Variants in CCDC33 observed in about 807,000 individuals in gnomAD.
The protein encoded by CCDC33 is coiled-coil domain containing 33, also known as coiled-coil domain-containing protein 33.
A neutral mutation model predicts 91.9 loss-of-function variants in CCDC33; 94 were observed. That is an observed-to-expected ratio of 1.02 (90% CI 0.87 to 1.21). The LOEUF (loss-of-function observed/expected upper bound fraction) is 1.21. Among genes scored for constraint, CCDC33 ranks in the 50% most tolerant of loss-of-function variants. The probability of loss-of-function intolerance (pLI) is 0.00; values close to 1 mark genes in which losing one functional copy is unlikely to be tolerated. For missense variants in CCDC33, 940 were observed against 935.5 expected (o/e 1.00, Z -0.06); for synonymous variants, 396 against 374.5 (o/e 1.06, Z -0.66).
intron 11 of CCDC33, among the ~76,000 whole-genome samples, chr15:74,328,919 G>A (rs1174076197): frequency 6.6e-6 from 1 of 152,188 alleles, no homozygotes; most frequent in African/African-American, 2.4e-5. Flanking sequence ...AGCAAACGCA[G>A]GAGCAAACTC....
At chr15:74,234,789 A>C (rs886703722), upstream of CCDC33, among the ~76,000 whole-genome samples, 22 of 152,246 alleles carry the variant, frequency 1.4e-4, no homozygotes, top group Admixed American at 1.4e-3. Context: ...GGGCAGGGCA[A>C]GGACCACAGT....
Position 74,236,679 on chromosome 15 carries a change from A to G in CCDC33, c.-41A>G. The G allele has an allele frequency of 6.2e-7, 1 of 1,609,766 alleles. No individual in the cohort carries two copies. Among genetic ancestry groups the G allele is most frequent in the Non-Finnish European group, 8.5e-7 (1 of 1,176,968 alleles). On this transcript the variant is annotated 5_prime_UTR_variant, in exon 1 of 19. Transcript: ENST00000398814. ...CCACTGATACCAAGTACTCATCCCCAAGATTGTTAAACAAGGCCAGACACT... is the reference window on the plus strand; with the variant it reads ...CCACTGATACCAAGTACTCATCCCCGAGATTGTTAAACAAGGCCAGACACT...
At chr15:74,335,416 G>T (rs2060545278) in intron 18 of CCDC33, 1 of 563,726 alleles carries the variant, frequency 1.8e-6, no homozygotes, top group East Asian at 2.9e-5. Flanking sequence ...GACTGGCTGC[G>T]CTCATGGGCA....
upstream of CCDC33, among the ~76,000 whole-genome samples, chr15:74,215,021 T>C (rs1262870474): frequency 6.6e-6 from 1 of 152,162 alleles, no homozygotes; most frequent in African/African-American, 2.4e-5. Flanking sequence ...GAATGATGAC[T>C]TGTGTGGGCA....
chr15:74,244,285 G>T lies in CCDC33; in HGVS notation c.185+137G>T. On this transcript the variant is annotated intron_variant, in intron 2 of 18. Coordinates refer to ENST00000398814, the MANE Select transcript of CCDC33 (RefSeq NM_025055.5). This position sits in a 1 kb window ranked among gnomAD's most constrained non-coding sequence, Gnocchi z 4.2. ...ACCCAGAGGGGAGGAGCTGCTGTGGGCACTACCTGGCATCTCCGCTGCTGC... is the reference window on the plus strand; with the variant it reads ...ACCCAGAGGGGAGGAGCTGCTGTGGTCACTACCTGGCATCTCCGCTGCTGC... 1.8e-6 allele frequency: 2 copies of T among 1,113,344 alleles called. No homozygotes were observed. Among genetic ancestry groups the T allele is most frequent in the Non-Finnish European group, 2.5e-6 (2 of 808,128 alleles). 69.0% of individuals were successfully genotyped at this position (1,113,344 alleles called of 1,614,324 possible).
In CCDC33 at chr15:74,295,828, G is replaced by A. The variant is rs1487234827; in HGVS notation, c.1170G>A (p.Lys390=). The A allele has an allele frequency of 5.0e-6, 8 of 1,614,042 alleles. No individual in the cohort carries two copies. In the Admixed American group the frequency reaches 1.3e-4, roughly 27 times the overall value. The change falls in exon 11 of 19, where the codon AAG becomes AAA. Residue 390 remains lysine (K), a synonymous_variant. Transcript: ENST00000398814. ...PTLDPKILDK[K]LRTIQESWSK... is the part of the protein sequence containing the mutation. ...TGGACCCCAAGATCCTGGATAAGAAGCTGAGAACCATCCAAGAGTCCTGGT... is the reference window on the plus strand; with the variant it reads ...TGGACCCCAAGATCCTGGATAAGAAACTGAGAACCATCCAAGAGTCCTGGT...
chr15:74,286,954 G>A (rs2059487449), intron 10 of CCDC33, among the ~76,000 whole-genome samples: 1 of 152,158 alleles, frequency 6.6e-6, no homozygotes, highest in Non-Finnish European at 1.5e-5. Context: ...ATGCTACTCT[G>A]GTGGCTTCTT....
chr15:74,211,562 G>A (rs572103750), intron 2 of CCDC33, among the ~76,000 whole-genome samples: 1 of 152,048 alleles, frequency 6.6e-6, no homozygotes, highest in East Asian at 1.9e-4. Context: ...CACCATGCCC[G>A]GCTGAATTTT....
intron 11 of CCDC33, among the ~76,000 whole-genome samples, chr15:74,296,585 C>T (rs1327942037): frequency 1.3e-5 from 2 of 152,114 alleles, no homozygotes; most frequent in Admixed American, 6.5e-5. Context: ...AAGATTGTGC[C>T]ATTGCACTCC....
At position 74,243,649 on chromosome 15, in the gene CCDC33, G is replaced by A. The variant is rs561499906; in HGVS notation, c.22-336G>A. On this transcript the variant is annotated intron_variant, in intron 1 of 18. Coordinates refer to ENST00000398814, the MANE Select transcript of CCDC33 (RefSeq NM_025055.5). ...TGCTAGAGGGTGGCAGTGAAGGGAG[G>A]TGCCGCAGCAGAGGAGGCCACTCAG... 118 of 461,048 alleles carry A rather than the reference G, an allele frequency of 2.6e-4. 1 individual carries two copies. In the East Asian group the frequency reaches 4.6e-3, roughly 18 times the overall value. 28.6% of individuals were successfully genotyped at this position (461,048 alleles called of 1,614,324 possible).
At chr15:74,209,628 C>A in intron 2 of CCDC33, 1 of 598,272 alleles carries the variant, frequency 1.7e-6, no homozygotes, top group Non-Finnish European at 2.9e-6. Flanking sequence ...TTCTGGAGTC[C>A]TGCTCTTCAC....
intron 2 of CCDC33, among the ~76,000 whole-genome samples, chr15:74,223,951 TCTC>T (rs1404831982): frequency 2.6e-5 from 4 of 152,126 alleles, no homozygotes; most frequent in African/African-American, 7.2e-5. Context: ...AGCTCCCCCT[TCTC>T]CTCCTTTGAC....
intron 2 of CCDC33, among the ~76,000 whole-genome samples, chr15:74,261,408 A>G (rs2076020189): frequency 6.6e-6 from 1 of 152,232 alleles, no homozygotes; most frequent in South Asian, 2.1e-4. Context: ...TAATGCACAG[A>G]GAAGGTGGGG....
chr15:74,253,701 A>G (rs1014435396), intron 2 of CCDC33, among the ~76,000 whole-genome samples: 1 of 152,144 alleles, frequency 6.6e-6, no homozygotes, highest in Non-Finnish European at 1.5e-5. Context: ...GGGCCAATCT[A>G]CTTATGCAAA....
rs940712448 is a variant in CCDC33, at chr15:74,207,959, C to G, written n.90-1429C>G. The G allele has an allele frequency of 7.6e-6, 11 of 1,439,056 alleles. No individual in the cohort carries two copies. The African/African-American group carries it at 1.6e-4, about 20-fold the overall frequency. 89.1% of individuals were successfully genotyped at this position (1,439,056 alleles called of 1,614,324 possible). A position where few individuals can be genotyped will look rare whatever the true frequency, so the allele number is the denominator to read the frequency against. On this transcript the variant is annotated intron_variant and non_coding_transcript_variant, in intron 1 of 3. Coordinates refer to the CCDC33 transcript ENST00000558645. ...TCTCCACCTCCTGTCTCTCTACCTC[C>G]TACCTCCCCTGCCATGTGGGAGGGT...
chr15:74,289,004 T>G (rs1051818992), intron 10 of CCDC33, among the ~76,000 whole-genome samples: 1 of 152,200 alleles, frequency 6.6e-6, no homozygotes, highest in Non-Finnish European at 1.5e-5. Context: ...GATCTCTTAG[T>G]GTCTTTCACC....
Position 74,334,895 on chromosome 15 carries a change from C to T in CCDC33, c.2026-80C>T, listed in dbSNP as rs1445486467. Reference sequence around the variant, plus strand: ...CTTTGCTTTCTGCCTGGACAGCAGGCTCAGGCCCTGGTTGTCCTGGCCATC... The same window carrying T: ...CTTTGCTTTCTGCCTGGACAGCAGGTTCAGGCCCTGGTTGTCCTGGCCATC... On this transcript the variant is annotated intron_variant, in intron 17 of 18. Coordinates refer to ENST00000398814, the MANE Select transcript of CCDC33 (RefSeq NM_025055.5). 6.0e-6 allele frequency: 7 copies of T among 1,173,816 alleles called. No homozygotes were observed. The East Asian group carries it at 1.2e-4, about 20-fold the overall frequency. 72.7% of individuals were successfully genotyped at this position (1,173,816 alleles called of 1,614,324 possible).
intron 1 of CCDC33, among the ~76,000 whole-genome samples, chr15:74,207,496 C>T (rs1309701530): frequency 6.6e-6 from 1 of 152,192 alleles, no homozygotes; most frequent in African/African-American, 2.4e-5. Flanking sequence ...ACAAGATGTT[C>T]AAAAGCCTGT....
intron 2 of CCDC33, among the ~76,000 whole-genome samples, chr15:74,246,641 T>G (rs1175751830): frequency 6.6e-6 from 1 of 152,224 alleles, no homozygotes. Flanking sequence ...CCTGTTAGGA[T>G]GGCTGTTCTC....
Sources: gnomAD v4.1 joint callset for allele counts (sites outside exome capture counted in the v4.1 genomes callset) on GRCh38, gnomAD v4.1.1 for gene constraint, Gnocchi (gnomAD v3.1) non-coding constraint, MANE v1.5 for transcripts, NCBI Gene and HGNC (gene_info 2026-07-23, HGNC 2026-07-21) for gene names.